AHSG: variants seen among roughly 807,000 people sequenced by gnomAD.
The protein encoded by AHSG is alpha 2-HS glycoprotein.
A neutral mutation model predicts 30.1 loss-of-function variants in AHSG; 23 were observed. That is an observed-to-expected ratio of 0.76 (90% confidence interval 0.55 to 1.08). The LOEUF is 1.08. AHSG is among the 50% of genes least tolerant of loss of function. AHSG has a pLI of 0.00. For missense variants in AHSG, 469 were observed against 459.5 expected, an observed-to-expected ratio of 1.02 and a Z score of -0.19; for synonymous variants, 164 against 186.3, an observed-to-expected ratio of 0.88 and a Z score of 0.98.
chr3:186,620,664 T>C lies in AHSG; in HGVS notation c.838T>C (p.Ser280Pro), dbSNP rs776359760. Residue 280 changes from serine to proline, a missense_variant, in exon 7 of 7, where the codon TCC becomes CCC. Coordinates refer to ENST00000411641, the MANE Select transcript of AHSG (RefSeq NM_001622.4). ...CGTGGTGGACCCAGATGCACCTCCG[T>C]CCCCTCCACTTGGCGCACCTGGACT... ...TPVVDPDAPPSPPLGAPGLPP... is the reference protein window; with the variant it reads ...TPVVDPDAPPPPPLGAPGLPP... 1.2e-5 allele frequency: 19 copies of C among 1,613,810 alleles called. No homozygotes were observed. The highest frequency in any genetic ancestry group is 1.6e-5 in the Non-Finnish European group (19 of 1,179,986).
chr3:186,616,907 G>A (rs1165346209), intron 3 of AHSG, among the ~76,000 whole-genome samples: 2 of 152,170 alleles, frequency 1.3e-5, no homozygotes, highest in South Asian at 2.1e-4. Flanking sequence ...GGTGGCAGTG[G>A]GCCGAGATCG....
chr3:186,613,213 G>C lies in AHSG; in HGVS notation c.72G>C (p.Gly24=). ...GCCACTCAGCCCCACATGGCCCAGGGCTGATTTATAGACAACCGAACTGCG... is the reference window on the plus strand; with the variant it reads ...GCCACTCAGCCCCACATGGCCCAGGCCTGATTTATAGACAACCGAACTGCG... The part of the protein sequence containing the change: ...WGCHSAPHGP[G]LIYRQPNCDD... Residue 24 remains glycine, a synonymous_variant, in exon 1 of 7, where the codon GGG becomes GGC. Coordinates refer to ENST00000411641, the MANE Select transcript of AHSG (RefSeq NM_001622.4). 2 of 1,614,154 alleles carry C rather than the reference G, an allele frequency of 1.2e-6. No individual in the cohort carries two copies. The highest frequency in any genetic ancestry group is 1.1e-5 in the South Asian group (1 of 91,088).
chr3:186,617,553 G>C (rs759641538), intron 4 of AHSG: 2 of 957,320 alleles, frequency 2.1e-6, no homozygotes, highest in South Asian at 3.1e-5. Context: ...CACCCTCAGC[G>C]CCTCCCCCAT....
chr3:186,613,431 AC>A, intron 1 of AHSG, 77 bp downstream of exon 1: 1 of 1,315,876 alleles, frequency 7.6e-7, no homozygotes, highest in Non-Finnish European at 1.0e-6. Flanking sequence ...AATCACCATC[AC>A]CCAGTGCAAA....
At position 186,615,679 on chromosome 3, in the gene AHSG, C is replaced by A. The variant is rs1433354165; in HGVS notation, c.214-6C>A. On this transcript the variant is annotated splice_polypyrimidine_tract_variant and splice_region_variant and intron_variant, in intron 1 of 6. Transcript: ENST00000411641. Reference sequence around the variant, plus strand: ...TTGCTCACGGCTTCACTCTTTGTCTCCACAGCAGCCCTCCGGAGAGCTGTT... The same window carrying A: ...TTGCTCACGGCTTCACTCTTTGTCTACACAGCAGCCCTCCGGAGAGCTGTT... 1 of 1,613,158 alleles carries A rather than the reference C, an allele frequency of 6.2e-7. No individual in the cohort carries two copies. The highest frequency in any genetic ancestry group is 1.1e-5 in the South Asian group (1 of 91,076).
chr3:186,617,985 C>CG, intron 4 of AHSG: 1 of 158,044 alleles, frequency 6.3e-6, no homozygotes, highest in Non-Finnish European at 1.4e-5. Flanking sequence ...ATCCCCACCC[C>CG]AGACTACACC....
chr3:186,615,416 G>T (rs1166477406), intron 1 of AHSG, among the ~76,000 whole-genome samples: 2 of 152,128 alleles, frequency 1.3e-5, no homozygotes, highest in East Asian at 1.9e-4. Flanking sequence ...TGGCTCCATC[G>T]ACTTGTTCAA....
Position 186,613,101 on chromosome 3 carries a change from C to A in AHSG, c.-41C>A, listed in dbSNP as rs753125518. 3.7e-6 allele frequency: 6 copies of A among 1,604,892 alleles called. No individual in the cohort carries two copies. In the Admixed American group the frequency reaches 1.0e-4, roughly 27 times the overall value. ...AGCACCTGGGTTGGTCCCGAAGCCTCCAACCACCTGCACGCCTGCCAGGGC... is the reference window on the plus strand; with the variant it reads ...AGCACCTGGGTTGGTCCCGAAGCCTACAACCACCTGCACGCCTGCCAGGGC... On this transcript the variant is annotated 5_prime_UTR_variant, in exon 1 of 7. Transcript: ENST00000411641.
At chr3:186,618,448 C>T (rs1265195709) in intron 4 of AHSG, 88 bp from the exon 5 acceptor site, 2 of 1,565,972 alleles carry the variant, frequency 1.3e-6, no homozygotes, top group Non-Finnish European at 1.7e-6. Flanking sequence ...ATGGTGCTCC[C>T]CGAAGGAGGC....
rs1431564581 is a variant in AHSG at position 186,619,867 on chromosome 3, T to A, written c.686T>A (p.Phe229Tyr). Residue 229 changes from phenylalanine (F) to tyrosine (Y), a missense_variant, in exon 6 of 7, where the codon TTT becomes TAT. Physicochemically the swap from Phe to Tyr is conservative, Grantham distance 22 (BLOSUM62 3). Coordinates refer to ENST00000411641, the MANE Select transcript of AHSG (RefSeq NM_001622.4). ...TTTCTCTGTGGGCAGCAATATGGCT[T>A]TTGTAAGGCAACACTCAGTGAGAAG... ...CNLLAEKQYGFCKATLSEKLG... is the reference protein window; with the variant it reads ...CNLLAEKQYGYCKATLSEKLG... 6.2e-7 allele frequency: 1 copy of A among 1,612,052 alleles called. No individual in the cohort carries two copies. Among genetic ancestry groups the A allele is most frequent in the Non-Finnish European group, 8.5e-7 (1 of 1,179,494 alleles).
At chr3:186,619,801 TG>T (rs1553853297) in intron 5 of AHSG, 55 bp from the exon 6 acceptor site, 18 of 1,443,084 alleles carry the variant, frequency 1.2e-5, no homozygotes, top group Non-Finnish European at 1.6e-5. Context: ...TCAATGAAAT[TG>T]GGGGGGATCC....
At position 186,618,554 on chromosome 3, in the gene AHSG, T is replaced by C. The variant is rs758025390; in HGVS notation, c.592T>C (p.Tyr198His). 5.6e-6 allele frequency: 9 copies of C among 1,613,838 alleles called. No homozygotes were observed. Among genetic ancestry groups the C allele is most frequent in the African/African-American group, 1.3e-5 (1 of 74,918 alleles). ...AQLVPLPPSTYVEFTVSGTDC... is the reference protein window; with the variant it reads ...AQLVPLPPSTHVEFTVSGTDC... ...TTCTCAGCCCCTCCCACCTTCTACCTATGTGGAGTTTACAGTGTCTGGCAC... is the reference window on the plus strand; with the variant it reads ...TTCTCAGCCCCTCCCACCTTCTACCCATGTGGAGTTTACAGTGTCTGGCAC... The change falls in exon 5 of 7, where the codon TAT becomes CAT. Residue 198 changes from tyrosine to histidine, a missense_variant. Transcript: ENST00000411641.
At chr3:186,620,023 G>T in intron 6 of AHSG, 83 bp downstream of exon 6, 2 of 1,022,630 alleles carry the variant, frequency 2.0e-6, no homozygotes, top group Non-Finnish European at 1.4e-6. Context: ...AGTGATGACA[G>T]GACATTTGCT....
At chr3:186,613,891 T>TTGTG (rs370968053) in intron 1 of AHSG, among the ~76,000 whole-genome samples, 3 of 151,794 alleles carry the variant, frequency 2.0e-5, no homozygotes, top group South Asian at 4.2e-4. Context: ...CAAGGCTCTG[T>TTGTG]TGTGTGTGTG....
In AHSG at chr3:186,616,426, T is replaced by C. The variant is rs779215090; in HGVS notation, c.325-17T>C. The C allele has an allele frequency of 1.2e-6, 2 of 1,610,038 alleles. No individual in the cohort carries two copies. Among genetic ancestry groups the C allele is most frequent in the South Asian group, 2.2e-5 (2 of 90,238 alleles). On this transcript the variant is annotated splice_polypyrimidine_tract_variant and intron_variant, in intron 2 of 6. Coordinates refer to ENST00000411641, the MANE Select transcript of AHSG (RefSeq NM_001622.4). Reference sequence around the variant, plus strand: ...AAGGGGAAGGGCAGCCATCCTCACGTGGGTTTCTTTCTCCAGGCTGTCGAA... The same window carrying C: ...AAGGGGAAGGGCAGCCATCCTCACGCGGGTTTCTTTCTCCAGGCTGTCGAA...
At chr3:186,615,904 T>A in intron 2 of AHSG, 109 bp downstream of exon 2, 1 of 1,005,292 alleles carries the variant, frequency 9.9e-7, no homozygotes, top group Non-Finnish European at 1.5e-6. Context: ...TTTCTAAAAT[T>A]GCCATTTGTG....
Position 186,618,630 on chromosome 3 carries a change from C to A in AHSG, c.668C>A (p.Ala223Glu). ...GAGGCAGCCAAGTGTAACCTGCTGG[C>A]AGAAAAGGTGAGTGGGCCGGGACCT... ...ATEAAKCNLL[A>E]EKQYGFCKAT... Residue 223 changes from alanine to glutamate, a missense_variant, in exon 5 of 7, where the codon GCA becomes GAA. By Grantham distance (107) the Ala-to-Glu change is moderately radical. Transcript: ENST00000411641. The A allele has an allele frequency of 1.2e-6, 2 of 1,614,006 alleles. No individual in the cohort carries two copies. Among genetic ancestry groups the A allele is most frequent in the East Asian group, 2.2e-5 (1 of 44,878 alleles).
chr3:186,617,094 C>G, intron 3 of AHSG, 93 bp from the exon 4 acceptor site: 1 of 1,521,310 alleles, frequency 6.6e-7, no homozygotes, highest in South Asian at 1.3e-5. Context: ...CTGAAGCTAT[C>G]TGGGGAATGC....
At chr3:186,615,824 G>A (rs1272092055) in intron 2 of AHSG, 29 bp downstream of exon 2, 1 of 1,583,034 alleles carries the variant, frequency 6.3e-7, no homozygotes, top group African/African-American at 1.3e-5. Flanking sequence ...ATGACTGTAG[G>A]TGGCCCTTCG....
Sources: gnomAD v4.1 joint callset for allele counts (sites outside exome capture counted in the v4.1 genomes callset) on GRCh38, gnomAD v4.1.1 for gene constraint, MANE v1.5 for transcripts, NCBI Gene and HGNC (gene_info 2026-07-23, HGNC 2026-07-21) for gene names.